The following C1orf167 variants were observed in gnomAD, a reference collection of about 807,000 sequenced individuals.
C1orf167 encodes uncharacterized protein C1orf167.
A neutral mutation model predicts 176.5 loss-of-function variants in C1orf167; 153 were observed. That is an observed-to-expected ratio of 0.87 (90% confidence interval 0.76 to 0.99). The LOEUF is 0.99. Among genes scored for constraint, C1orf167 ranks in the 50% least tolerant of loss-of-function variants. The probability of loss-of-function intolerance (pLI) is 0.00; values close to 1 mark genes in which losing one functional copy is unlikely to be tolerated. For missense variants in C1orf167, 1,490 were observed against 1,817.7 expected (o/e 0.82, Z 3.28); for synonymous variants, 594 against 752.7 (o/e 0.79, Z 3.45).
chr1:11,771,069 ATTTTTTTTTTTT>A (rs147195468), intron 6 of C1orf167, among the ~76,000 whole-genome samples: 5 of 47,218 alleles, frequency 1.1e-4, no homozygotes, highest in South Asian at 2.2e-3. Flanking sequence ...ATATATATAT[ATTTTTTTTTTTT>A]TTTTTTTTTT....
Position 11,775,538 on chromosome 1 carries a change from G to A in C1orf167, c.2092G>A (p.Val698Met), listed in dbSNP as rs1643272593. 3 of 1,304,286 alleles carry A rather than the reference G, an allele frequency of 2.3e-6. No homozygotes were observed. The highest frequency in any genetic ancestry group is 3.0e-6 in the Non-Finnish European group (3 of 988,938). 80.8% of individuals were successfully genotyped at this position (1,304,286 alleles called of 1,614,324 possible). A position where few individuals can be genotyped will look rare whatever the true frequency, so the allele number is the denominator to read the frequency against. ...GTLRKCLEQWVRMKQLRESDG... is the reference protein window; with the variant it reads ...GTLRKCLEQWMRMKQLRESDG... The stretch of plus-strand genomic sequence containing the variant: ...CCTGAGGAAATGCCTGGAACAGTGG[G>A]TGCGGATGAAGCAGCTCCGGGAATC... Residue 698 changes from valine (V) to methionine (M), a missense_variant, in exon 9 of 21, where the codon GTG becomes ATG. Transcript: ENST00000688073.
intron 6 of C1orf167, among the ~76,000 whole-genome samples, chr1:11,769,517 A>G (rs1423666198): frequency 6.6e-6 from 1 of 152,026 alleles, no homozygotes; most frequent in Non-Finnish European, 1.5e-5. Context: ...GCAGTGAGCT[A>G]TGATCATGCC....
chr1:11,779,893 G>C lies in C1orf167; in HGVS notation c.2743G>C (p.Val915Leu). Residue 915 changes from valine to leucine, a missense_variant, in exon 13 of 21, where the codon GTG (valine) becomes CTG (leucine). Physicochemically the swap from Val to Leu is conservative, Grantham distance 32 (BLOSUM62 1). Transcript: ENST00000688073. ...HRAWDRTCRA[V>L]LGLWRQRLLQ... ...GGCCTGGGATCGGACCTGCAGGGCT[G>C]TGCTGGGCCTGTGGCGTCAGCGGCT... 7.7e-7 allele frequency: 1 copy of C among 1,303,158 alleles called. No individual in the cohort carries two copies. The highest frequency in any genetic ancestry group is 1.0e-6 in the Non-Finnish European group (1 of 988,846). The allele number at this position is 1,303,158 out of a possible 1,614,324, so 80.7% of individuals were successfully genotyped here.
At position 11,768,014 on chromosome 1, in the gene C1orf167, ACTGGGCTGTCC is replaced by A. The variant is rs1273189392; in HGVS notation, c.1344-57_1344-47del. On this transcript the variant is annotated intron_variant, in intron 4 of 20. Transcript: ENST00000688073. The surrounding 1 kb of genome is among the most constrained non-coding windows in gnomAD (Gnocchi z 4.5). ...AAGGCATCTCAGAGGGTATCCAGCC[ACTGGGCTGTCC>A]CTGGGGATAGGAGGGCAGTCCACAC... 7.6e-6 allele frequency: 9 copies of A among 1,183,114 alleles called. No homozygotes were observed. Among genetic ancestry groups the A allele is most frequent in the Admixed American group, 6.0e-5 (2 of 33,234 alleles). 73.3% of individuals were successfully genotyped at this position (1,183,114 alleles called of 1,614,324 possible).
chr1:11,788,303 G>T lies in C1orf167; in HGVS notation c.4003G>T (p.Ala1335Ser), dbSNP rs1570452680. The T allele has an allele frequency of 4.6e-6, 6 of 1,303,398 alleles. No individual in the cohort carries two copies. In the African/African-American group the frequency reaches 6.1e-5, roughly 13 times the overall value. The allele number at this position is 1,303,398 out of a possible 1,614,324, so 80.7% of individuals were successfully genotyped here. A position where few individuals can be genotyped will look rare whatever the true frequency, so the allele number is the denominator to read the frequency against. Residue 1335 changes from alanine (A) to serine (S), a missense_variant, in exon 19 of 21, where the codon GCA (alanine) becomes TCA (serine). Transcript: ENST00000688073. ...GTASRAAGFPAGQVPGSGMAA... is the reference protein window; with the variant it reads ...GTASRAAGFPSGQVPGSGMAA... ...TGCTTCACGGGCTGCGGGGTTCCCA[G>T]CAGGCCAGGTGCCTGGCAGTGGCAT... is the stretch of plus-strand genomic sequence containing the variant.
intron 4 of C1orf167, among the ~76,000 whole-genome samples, chr1:11,767,770 G>A (rs891815030): frequency 1.3e-5 from 2 of 152,080 alleles, no homozygotes; most frequent in African/African-American, 2.4e-5. Context: ...AGGCTGCAGT[G>A]AACCGTTATC....
chr1:11,764,619 G>A, intron 2 of C1orf167, 149 bp downstream of exon 2: 1 of 563,918 alleles, frequency 1.8e-6, no homozygotes, highest in Non-Finnish European at 2.8e-6. Context: ...ACATAGGACA[G>A]AGTCTTCCCA....
At chr1:11,767,953 G>A in intron 4 of C1orf167, 124 bp from the exon 5 acceptor site, 1 of 662,074 alleles carries the variant, frequency 1.5e-6, no homozygotes, top group South Asian at 1.9e-5. Flanking sequence ...TGATACTCCT[G>A]TTGTGGCGTG....
chr1:11,773,531 A>C (rs1643177548), intron 8 of C1orf167, among the ~76,000 whole-genome samples: 1 of 151,960 alleles, frequency 6.6e-6, no homozygotes, highest in Non-Finnish European at 1.5e-5. Flanking sequence ...AACATGGTGA[A>C]ACCCCATCTC....
At chr1:11,762,814 A>G (rs1642574756) in intron 1 of C1orf167, among the ~76,000 whole-genome samples, 1 of 152,198 alleles carries the variant, frequency 6.6e-6, no homozygotes, top group East Asian at 1.9e-4. Flanking sequence ...CAGGGAAACA[A>G]ACAAACAAAA....
intron 14 of C1orf167, among the ~76,000 whole-genome samples, chr1:11,782,968 A>G (rs527748734): frequency 2.6e-5 from 4 of 151,708 alleles, no homozygotes; most frequent in African/African-American, 9.7e-5. Context: ...GAAATCTACC[A>G]TAACGCCCAT....
Position 11,766,623 on chromosome 1 carries a change from C to T in C1orf167, c.837C>T (p.Ser279=), listed in dbSNP as rs571685408. The change falls in exon 3 of 21, where the codon TCC becomes TCT. Residue 279 remains serine, a synonymous_variant. Coordinates refer to ENST00000688073, the MANE Select transcript of C1orf167 (RefSeq NM_001010881.2). This position sits in a 1 kb window ranked among gnomAD's most constrained non-coding sequence, Gnocchi z 4.5. ...DLWTGGGQPF[S]AHPQPSQPVL... ...GGACCGGCGGCGGCCAGCCATTCTC[C>T]GCCCACCCCCAGCCCAGCCAGCCTG... The T allele has an allele frequency of 1.9e-5, 25 of 1,284,606 alleles. No homozygotes were observed. The highest frequency in any genetic ancestry group is 2.2e-4 in the Middle Eastern group (1 of 4,628). The allele number at this position is 1,284,606 out of a possible 1,614,324, so 79.6% of individuals were successfully genotyped here.
intron 19 of C1orf167, 59 bp downstream of exon 19, chr1:11,788,437 C>T (rs1643966521): frequency 4.8e-6 from 6 of 1,245,856 alleles, no homozygotes; most frequent in Middle Eastern, 2.8e-4. Flanking sequence ...ATACTTAACC[C>T]AAACCCCTCT....
In C1orf167 at chr1:11,778,727, C is replaced by T. The variant is rs1643447030; in HGVS notation, c.2407C>T (p.Leu803=). 3 of 1,304,086 alleles carry T rather than the reference C, an allele frequency of 2.3e-6. No individual in the cohort carries two copies. Among genetic ancestry groups the T allele is most frequent in the Non-Finnish European group, 3.0e-6 (3 of 988,818 alleles). 80.8% of individuals were successfully genotyped at this position (1,304,086 alleles called of 1,614,324 possible). ...CCTGAGATGGTGGCACTTGAGGGCACTGGGCCCAGATGCCACATCAAGCTG... is the reference window on the plus strand; with the variant it reads ...CCTGAGATGGTGGCACTTGAGGGCATTGGGCCCAGATGCCACATCAAGCTG... The part of the protein sequence containing the change: ...RSLRWWHLRA[L]GPDATSSCTK... Residue 803 remains leucine (L), a synonymous_variant, in exon 11 of 21, where the codon CTG becomes TTG. Coordinates refer to ENST00000688073, the MANE Select transcript of C1orf167 (RefSeq NM_001010881.2).
chr1:11,763,435 T>A (rs1570366114), intron 1 of C1orf167, among the ~76,000 whole-genome samples: 1 of 118,020 alleles, frequency 8.5e-6, no homozygotes, highest in Non-Finnish European at 1.7e-5. Context: ...AAAGTGAGAC[T>A]CCGGCTCAAA....
Position 11,787,503 on chromosome 1 carries a change from C to A in C1orf167, c.3673+10C>A, listed in dbSNP as rs754937889. The A allele has an allele frequency of 7.7e-6, 10 of 1,295,286 alleles. No homozygotes were observed. The South Asian group carries it at 1.1e-4, about 15-fold the overall frequency. The allele number at this position is 1,295,286 out of a possible 1,614,324, so 80.2% of individuals were successfully genotyped here. A position where few individuals can be genotyped will look rare whatever the true frequency, so the allele number is the denominator to read the frequency against. On this transcript the variant is annotated intron_variant, in intron 17 of 20. Coordinates refer to ENST00000688073, the MANE Select transcript of C1orf167 (RefSeq NM_001010881.2). ...ACGGCCTGGGCTCAGAGTAAGGAGACCTTGCCCCGGGGGACAAACGGTGTC... is the reference window on the plus strand; with the variant it reads ...ACGGCCTGGGCTCAGAGTAAGGAGAACTTGCCCCGGGGGACAAACGGTGTC...
At chr1:11,772,043 T>A (rs11121827) in intron 7 of C1orf167, 39 bp from the exon 8 acceptor site, 758,765 of 1,271,256 alleles carry the variant, frequency 0.6, 230,125 homozygotes, top group East Asian at 0.77. Flanking sequence ...TCCCATCTGC[T>A]TACTCTCTCT....
chr1:11,776,603 G>T lies in C1orf167; in HGVS notation c.2304G>T (p.Leu768=), dbSNP rs1231747126. The T allele has an allele frequency of 8.3e-6, 10 of 1,207,852 alleles. No individual in the cohort carries two copies. Among genetic ancestry groups the T allele is most frequent in the Non-Finnish European group, 1.1e-5 (10 of 942,518 alleles). 74.8% of individuals were successfully genotyped at this position (1,207,852 alleles called of 1,614,324 possible). A position where few individuals can be genotyped will look rare whatever the true frequency, so the allele number is the denominator to read the frequency against. ...WTLALCWALL[L]WKMRLFQRQW... is the part of the protein sequence containing the mutation. ...TGGCCCTCTGCTGGGCGCTGCTGCT[G>T]TGGAAGATGCGGCTTTTCCAGCGCC... The change falls in exon 10 of 21, where the codon CTG becomes CTT. Residue 768 remains leucine (L), a synonymous_variant. Coordinates refer to ENST00000688073, the MANE Select transcript of C1orf167 (RefSeq NM_001010881.2).
chr1:11,787,957 T>A lies in C1orf167; in HGVS notation c.3758T>A (p.Leu1253Gln). 2 of 1,304,112 alleles carry A rather than the reference T, an allele frequency of 1.5e-6. No individual in the cohort carries two copies. The highest frequency in any genetic ancestry group is 2.0e-6 in the Non-Finnish European group (2 of 988,872). 80.8% of individuals were successfully genotyped at this position (1,304,112 alleles called of 1,614,324 possible). A position where few individuals can be genotyped will look rare whatever the true frequency, so the allele number is the denominator to read the frequency against. ...AGTAGCTGGGTCCCAGGCCTGCCCC[T>A]GTGGACGAGGGACCAGGGACCAAGA... ...GQSSWVPGLP[L>Q]WTRDQGPRAH... Residue 1253 changes from leucine (L) to glutamine (Q), a missense_variant, in exon 18 of 21, where the codon CTG (leucine) becomes CAG (glutamine). By Grantham distance (113) the Leu-to-Gln change is moderately radical (BLOSUM62 -2). Coordinates refer to ENST00000688073, the MANE Select transcript of C1orf167 (RefSeq NM_001010881.2).
Sources: gnomAD v4.1 joint callset for allele counts (sites outside exome capture counted in the v4.1 genomes callset) on GRCh38, gnomAD v4.1.1 for gene constraint, Gnocchi (gnomAD v3.1) non-coding constraint, MANE v1.5 for transcripts, NCBI Gene and HGNC (gene_info 2026-07-23, HGNC 2026-07-21) for gene names.